CGN: variants seen among roughly 807,000 people sequenced by gnomAD.
The protein encoded by CGN is cingulin.
In CGN, 121 loss-of-function variants were observed where a neutral mutation model predicts 157.1. The observed-to-expected ratio is 0.77, with a 90% confidence interval of 0.66 to 0.90. CGN has a LOEUF of 0.90. Ranked by LOEUF, CGN falls within the 40% of genes least tolerant of loss-of-function variation. The pLI, the probability that CGN is intolerant of heterozygous loss-of-function variation, is 0.00. For synonymous variants in CGN, 535 were observed against 607.5 expected (o/e 0.88, Z 1.76); for missense variants, 1,424 against 1,520.9 (o/e 0.94, Z 1.06).
intron 13 of CGN, among the ~76,000 whole-genome samples, chr1:151,531,119 T>C (rs955847662): frequency 3.3e-5 from 5 of 151,344 alleles, no homozygotes; most frequent in East Asian, 1.9e-4. Flanking sequence ...TCAGCCTGGG[T>C]GACAGAGCAA....
chr1:151,519,742 C>G (rs1018115385), intron 2 of CGN, among the ~76,000 whole-genome samples: 1 of 152,176 alleles, frequency 6.6e-6, no homozygotes, highest in Non-Finnish European at 1.5e-5. Context: ...CCTTGGTGCT[C>G]TTGCCAAAAT....
At chr1:151,512,680 C>T (rs564396240) in intron 1 of CGN, among the ~76,000 whole-genome samples, 2 of 152,344 alleles carry the variant, frequency 1.3e-5, no homozygotes, top group African/African-American at 4.8e-5. Flanking sequence ...GAAGCCCTGC[C>T]TGAGGAAGGT....
chr1:151,535,895 A>G lies in CGN; in HGVS notation c.3194A>G (p.Glu1065Gly). 1.2e-6 allele frequency: 2 copies of G among 1,608,706 alleles called. No individual in the cohort carries two copies. The highest frequency in any genetic ancestry group is 1.7e-6 in the Non-Finnish European group (2 of 1,175,828). The change falls in exon 18 of 21, where the codon GAG (glutamate) becomes GGG (glycine). Residue 1065 changes from glutamate (E) to glycine (G), a missense_variant. Physicochemically the swap from Glu to Gly is moderately conservative, Grantham distance 98. Around this residue, in one of 3 missense-constraint regions of CGN, gnomAD observed 199 missense variants for 272.2 expected, o/e 0.73. Transcript: ENST00000271636. ...QLLQERLQAE[E>G]REKTVLQSTN... ...TTGCAGGAGCGGCTACAGGCTGAAG[A>G]GAGGTGACATAAGCCTATCCTTCCT...
chr1:151,529,700 C>T (rs576012889), intron 11 of CGN, 141 bp downstream of exon 11: 1 of 869,626 alleles, frequency 1.1e-6, no homozygotes, highest in African/African-American at 1.7e-5. Context: ...TCAAAGAAGC[C>T]AGGATTTGGC....
intron 5 of CGN, among the ~76,000 whole-genome samples, chr1:151,523,014 T>C (rs1296906164): frequency 6.6e-6 from 1 of 152,184 alleles, no homozygotes; most frequent in East Asian, 1.9e-4. Context: ...CTGTTTGGCC[T>C]TCCTCACAGA....
rs141799235 is a variant in CGN at position 151,536,312 on chromosome 1, C to T, written c.3273C>T (p.Asp1091=). The change falls in exon 19 of 21, where the codon GAC becomes GAT. Residue 1091 remains aspartate (D), a synonymous_variant. Coordinates refer to ENST00000271636, the MANE Select transcript of CGN (RefSeq NM_020770.3). ...AAGAACTATCCATCCAGATTGAAGACGAGCGGCAGCATGTCAATGACCAGA... is the reference window on the plus strand; with the variant it reads ...AAGAACTATCCATCCAGATTGAAGATGAGCGGCAGCATGTCAATGACCAGA... The part of the protein sequence containing the change: ...KVKELSIQIE[D]ERQHVNDQKD... 1.8e-5 allele frequency: 29 copies of T among 1,611,292 alleles called. No individual in the cohort carries two copies. The East Asian group carries it at 2.9e-4, about 16-fold the overall frequency.
At position 151,525,647 on chromosome 1, in the gene CGN, TG is replaced by T. The variant is rs1557989304; in HGVS notation, c.1621del (p.Ala541GlnfsTer67). 6.3e-7 allele frequency: 1 copy of T among 1,597,180 alleles called. No homozygotes were observed. The highest frequency in any genetic ancestry group is 1.1e-5 in the South Asian group (1 of 89,312). ...RSMQDATQDH[A>X]VLEAERQKMS... is the part of the protein sequence containing the mutation. Reference sequence around the variant, plus strand: ...CCAACTCTCCCCTTCTCTAGGACCATGCAGTGCTGGAGGCCGAGAGGCAGAA... The same window carrying T: ...CCAACTCTCCCCTTCTCTAGGACCATCAGTGCTGGAGGCCGAGAGGCAGAA... On this transcript the variant is annotated frameshift_variant, in exon 9 of 21. Coordinates refer to ENST00000271636, the MANE Select transcript of CGN (RefSeq NM_020770.3). LOFTEE classifies it high-confidence loss of function.
intron 13 of CGN, among the ~76,000 whole-genome samples, chr1:151,531,874 T>C (rs1014086034): frequency 5.3e-5 from 8 of 152,208 alleles, no homozygotes; most frequent in African/African-American, 1.9e-4. Flanking sequence ...ATCTTATCAT[T>C]TGTCAATGAA....
Position 151,519,077 on chromosome 1 carries a change from C to A in CGN, c.558C>A (p.Asp186Glu). ...SSVDSLINKFDSQLGGQARGR... is the reference protein window; with the variant it reads ...SSVDSLINKFESQLGGQARGR... Reference sequence around the variant, plus strand: ...TGGACTCACTCATCAACAAGTTTGACAGTCAACTTGGAGGCCAGGCCCGGG... The same window carrying A: ...TGGACTCACTCATCAACAAGTTTGAAAGTCAACTTGGAGGCCAGGCCCGGG... Residue 186 changes from aspartate to glutamate, a missense_variant, in exon 2 of 21, where the codon GAC (aspartate) becomes GAA (glutamate). Asp to Glu is a conservative substitution (Grantham distance 45). Around this residue, in one of 3 missense-constraint regions of CGN, gnomAD observed 1,187 missense variants for 1,217.6 expected, o/e 0.97. Coordinates refer to ENST00000271636, the MANE Select transcript of CGN (RefSeq NM_020770.3). 6.2e-7 allele frequency: 1 copy of A among 1,614,126 alleles called. No individual in the cohort carries two copies. The highest frequency in any genetic ancestry group is 8.5e-7 in the Non-Finnish European group (1 of 1,180,022).
In CGN at chr1:151,535,057, C is replaced by G. The variant is rs1335092180; in HGVS notation, c.2920C>G (p.Leu974Val). 2.5e-6 allele frequency: 4 copies of G among 1,613,852 alleles called. No individual in the cohort carries two copies. The highest frequency in any genetic ancestry group is 3.4e-6 in the Non-Finnish European group (4 of 1,179,800). The change falls in exon 16 of 21, where the codon CTG (leucine) becomes GTG (valine). Residue 974 changes from leucine to valine, a missense_variant. This residue lies in a region of CGN where 199 missense variants were observed against 272.2 expected (regional missense o/e 0.73). Coordinates refer to ENST00000271636, the MANE Select transcript of CGN (RefSeq NM_020770.3). Reference protein sequence around the residue: ...LKGLEEKVSRLETELDEEKNT... With the variant: ...LKGLEEKVSRVETELDEEKNT... Reference sequence around the variant, plus strand: ...TCTGTCCTAGGAAAAAGTCTCACGGCTGGAAACAGAGTTAGATGAGGAGAA... The same window carrying G: ...TCTGTCCTAGGAAAAAGTCTCACGGGTGGAAACAGAGTTAGATGAGGAGAA...
At position 151,530,680 on chromosome 1, in the gene CGN, A is replaced by G. The variant is rs1455220010; in HGVS notation, c.2505A>G (p.Arg835=). The G allele has an allele frequency of 1.9e-6, 3 of 1,563,386 alleles. No individual in the cohort carries two copies. Among genetic ancestry groups the G allele is most frequent in the Non-Finnish European group, 2.6e-6 (3 of 1,153,244 alleles). The change falls in exon 13 of 21, where the codon CGA becomes CGG. Residue 835 remains arginine, a synonymous_variant. Transcript: ENST00000271636. The part of the protein sequence containing the change: ...EEGKQREVLR[R]GKAELEEQKR... Reference sequence around the variant, plus strand: ...GGAAGCAGCGGGAGGTGCTCCGGCGAGGCAAGGCTGAGCTGGAGGAGCAGA... The same window carrying G: ...GGAAGCAGCGGGAGGTGCTCCGGCGGGGCAAGGCTGAGCTGGAGGAGCAGA...
intron 6 of CGN, 80 bp downstream of exon 6, chr1:151,523,641 G>A (rs1158129100): frequency 1.5e-6 from 2 of 1,368,342 alleles, no homozygotes; most frequent in Non-Finnish European, 2.0e-6. Context: ...TTGCCCCTAG[G>A]GTTGAAGGAG....
chr1:151,530,815 A>G, intron 13 of CGN, 69 bp downstream of exon 13: 3 of 1,515,684 alleles, frequency 2.0e-6, no homozygotes, highest in Non-Finnish European at 2.7e-6. Context: ...CTGAGAGGAC[A>G]GGGGCTTGGG....
intron 6 of CGN, among the ~76,000 whole-genome samples, 178 bp downstream of exon 6, chr1:151,523,739 G>A (rs1439492894): frequency 1.3e-5 from 2 of 152,240 alleles, no homozygotes; most frequent in Non-Finnish European, 2.9e-5. Flanking sequence ...TATCAATAAT[G>A]GTGGTAGTGC....
chr1:151,536,994 T>C (rs1170192275), intron 20 of CGN, 101 bp downstream of exon 20: 14 of 1,352,636 alleles, frequency 1.0e-5, no homozygotes, highest in Non-Finnish European at 1.3e-5. Context: ...AACATGGTAC[T>C]GTGTAGTCAC....
intron 19 of CGN, 136 bp from the exon 20 acceptor site, chr1:151,536,594 C>T: frequency 1.3e-6 from 1 of 764,766 alleles, no homozygotes; most frequent in Middle Eastern, 2.5e-4. Context: ...CTAAGACAAC[C>T]ATGTGAGGTT....
At chr1:151,514,439 T>G (rs187246650) in intron 1 of CGN, among the ~76,000 whole-genome samples, 5 of 152,168 alleles carry the variant, frequency 3.3e-5, no homozygotes, top group Non-Finnish European at 5.9e-5. Context: ...GGGCAGCAAG[T>G]CTGGACCAGG....
intron 1 of CGN, among the ~76,000 whole-genome samples, chr1:151,517,292 T>C (rs1169272827): frequency 3.3e-5 from 5 of 152,196 alleles, no homozygotes; most frequent in Non-Finnish European, 7.3e-5. Context: ...CCCATCCCTG[T>C]TCCTAGTCCT....
At position 151,523,622 on chromosome 1, in the gene CGN, A is replaced by G. The variant is rs372195689; in HGVS notation, c.1268+61A>G. The stretch of plus-strand genomic sequence containing the variant: ...GGGGCCTAGGCCAGGTTTAGAGGCC[A>G]CTCCCTCTTTGCCCCTAGGGTTGAA... On this transcript the variant is annotated intron_variant, in intron 6 of 20. Transcript: ENST00000271636. 7 of 1,479,474 alleles carry G rather than the reference A, an allele frequency of 4.7e-6. No homozygotes were observed. In the African/African-American group the frequency reaches 9.9e-5, roughly 21 times the overall value. The allele number at this position is 1,479,474 out of a possible 1,614,324, so 91.6% of individuals were successfully genotyped here.
Sources: allele counts gnomAD v4.1 joint callset (sites outside exome capture counted in the v4.1 genomes callset), GRCh38; gene constraint gnomAD v4.1.1; regional missense constraint gnomAD v4.1.1; transcripts MANE v1.5; gene names NCBI Gene and HGNC (gene_info 2026-07-23, HGNC 2026-07-21).